Variants in SMARCAD1 observed in about 807,000 individuals in gnomAD.
SMARCAD1 encodes SNF2 related chromatin remodeling ATPase with DExD box 1, also known as SWI/SNF-related matrix-associated actin-dependent regulator of chromatin subfamily A containing DEAD/H box 1.
SMARCAD1 carries 25 observed loss-of-function variants against 127.1 expected under a neutral mutation model. That is an observed-to-expected ratio of 0.20 (90% confidence interval 0.14 to 0.27). SMARCAD1 has a LOEUF of 0.27. Ranked by LOEUF, SMARCAD1 falls within the 10% of genes least tolerant of loss-of-function variation. SMARCAD1 has a pLI of 1.00. For synonymous variants in SMARCAD1, 400 were observed against 396.9 expected (o/e 1.01, Z -0.09); for missense variants, 807 against 1,206.0 (o/e 0.67, Z 4.90).
rs554598388 is a variant in SMARCAD1 at position 94,258,480 on chromosome 4, C to G, written c.1281+5473C>G. 2.6e-4 allele frequency among the ~76,000 whole-genome samples: 40 copies of G among 152,210 alleles called. 1 individual carries two copies. In the South Asian group the frequency reaches 6.0e-3, roughly 23 times the overall value. The stretch of plus-strand genomic sequence containing the variant: ...CTCTGGTAATCTGTCAGTTTCATCT[C>G]TTTTAGAAAATCAGGAATCTTATCA... On this transcript the variant is annotated intron_variant, in intron 9 of 23. Coordinates refer to ENST00000354268, the MANE Select transcript of SMARCAD1 (RefSeq NM_020159.5).
rs532486595 is a variant in SMARCAD1 at position 94,280,021 on chromosome 4, C to T, written c.2419-571C>T. On this transcript the variant is annotated intron_variant, in intron 19 of 23. Coordinates refer to ENST00000354268, the MANE Select transcript of SMARCAD1 (RefSeq NM_020159.5). Reference sequence around the variant, plus strand: ...CTGGGATTACAGGCACCTACCACTACGCCCAGCTAATTTTTGTATTTTTAG... The same window carrying T: ...CTGGGATTACAGGCACCTACCACTATGCCCAGCTAATTTTTGTATTTTTAG... 4.6e-5 allele frequency among the ~76,000 whole-genome samples: 7 copies of T among 152,060 alleles called. No homozygotes were observed. The South Asian group carries it at 6.2e-4, about 14-fold the overall frequency.
chr4:94,223,679 C>T (rs989605540), intron 2 of SMARCAD1, among the ~76,000 whole-genome samples: 2 of 150,992 alleles, frequency 1.3e-5, no homozygotes, highest in African/African-American at 4.9e-5. Flanking sequence ...GGTGAGTCTC[C>T]TGCCTCACCT....
At chr4:94,282,134 CTG>C (rs1754168668) in intron 21 of SMARCAD1, among the ~76,000 whole-genome samples, 1 of 55,668 alleles carries the variant, frequency 1.8e-5, no homozygotes, top group East Asian at 8.1e-4. Context: ...GAGTCTCGCT[CTG>C]TCGCCCAGGC....
In SMARCAD1 at chr4:94,291,186, T is replaced by A. The variant is rs1387378835; in HGVS notation, c.*1652T>A. ...AGGCTGTTTCTTTTTTTGTTGTTAT[T>A]GTTGTTGTTGTTATATCCATACTTT... On this transcript the variant is annotated 3_prime_UTR_variant, in exon 24 of 24. Transcript: ENST00000354268. 2.2e-6 allele frequency: 1 copy of A among 453,082 alleles called. No homozygotes were observed. Among genetic ancestry groups the A allele is most frequent in the Admixed American group, 2.4e-5 (1 of 42,484 alleles). The allele number at this position is 453,082 out of a possible 1,614,324, so 28.1% of individuals were successfully genotyped here.
Position 94,290,513 on chromosome 4 carries a change from G to T in SMARCAD1, c.*979G>T, listed in dbSNP as rs1215096792. 2.2e-6 allele frequency: 1 copy of T among 454,460 alleles called. No individual in the cohort carries two copies. Among genetic ancestry groups the T allele is most frequent in the South Asian group, 1.6e-5 (1 of 64,468 alleles). The allele number at this position is 454,460 out of a possible 1,614,324, so 28.2% of individuals were successfully genotyped here. ...TAAAGGCAGCATTAGGTACTGCATG[G>T]AAATAGGTCATTAACTTGAAACTCT... On this transcript the variant is annotated 3_prime_UTR_variant, in exon 24 of 24. Transcript: ENST00000354268.
At chr4:94,279,601 T>C (rs1323464335) in intron 19 of SMARCAD1, among the ~76,000 whole-genome samples, 1 of 152,208 alleles carries the variant, frequency 6.6e-6, no homozygotes. Context: ...GTTTTTGTTT[T>C]CTGGGACTGC....
intron 2 of SMARCAD1, among the ~76,000 whole-genome samples, chr4:94,224,591 AT>A (rs147809831): frequency 0.14 from 21,903 of 152,138 alleles, 1,801 homozygotes; most frequent in Non-Finnish European, 0.19. Context: ...ATTTTAGAAC[AT>A]TTTTTATTTT....
chr4:94,225,907 C>G (rs1184695930), intron 2 of SMARCAD1, among the ~76,000 whole-genome samples: 1 of 152,112 alleles, frequency 6.6e-6, no homozygotes, highest in Non-Finnish European at 1.5e-5. Context: ...GCAGTTTCCA[C>G]TAAAGTCTTG....
chr4:94,234,404 C>T (rs577893263), intron 4 of SMARCAD1, among the ~76,000 whole-genome samples: 2 of 152,222 alleles, frequency 1.3e-5, no homozygotes, highest in South Asian at 2.1e-4. Flanking sequence ...TGCATAACCT[C>T]CCCATTTCCA....
chr4:94,280,773 A>G lies in SMARCAD1; in HGVS notation c.2600A>G (p.Lys867Arg), dbSNP rs756693746. ...TTAGGATGCATCTTGTCTGAATTGAAACAGAAGGTATTAAAAAAGAATGGC... is the reference window on the plus strand; with the variant it reads ...TTAGGATGCATCTTGTCTGAATTGAGACAGAAGGTATTAAAAAAGAATGGC... ...RVLGCILSEL[K>R]QKGDRVVLFS... Residue 867 changes from lysine (K) to arginine (R), a missense_variant, in exon 20 of 24, where the codon AAA becomes AGA. By Grantham distance (26) the Lys-to-Arg change is conservative. Transcript: ENST00000354268. The G allele has an allele frequency of 1.4e-5, 23 of 1,613,400 alleles. No individual in the cohort carries two copies. In the South Asian group the frequency reaches 2.5e-4, roughly 18 times the overall value.
chr4:94,229,252 G>T (rs190097971), intron 3 of SMARCAD1, among the ~76,000 whole-genome samples: 2 of 151,932 alleles, frequency 1.3e-5, no homozygotes, highest in Admixed American at 1.3e-4. Flanking sequence ...GATTTTTGTC[G>T]GATTAATTTA....
Position 94,280,702 on chromosome 4 carries a change from T to A in SMARCAD1, c.2529T>A (p.Phe843Leu). ...AACAGTACCGACACATTAATAACTT[T>A]CAGTTAGACATGGACTTGATTTTAG... is the stretch of plus-strand genomic sequence containing the variant. ...LCKQYRHINN[F>L]QLDMDLILDS... is the part of the protein sequence containing the mutation. Residue 843 changes from phenylalanine (F) to leucine (L), a missense_variant, in exon 20 of 24, where the codon TTT becomes TTA. Transcript: ENST00000354268. The A allele has an allele frequency of 6.2e-7, 1 of 1,613,816 alleles. No homozygotes were observed. Among genetic ancestry groups the A allele is most frequent in the Non-Finnish European group, 8.5e-7 (1 of 1,179,850 alleles).
At chr4:94,266,235 C>T (rs1382406306) in intron 10 of SMARCAD1, among the ~76,000 whole-genome samples, 1 of 152,090 alleles carries the variant, frequency 6.6e-6, no homozygotes, top group Non-Finnish European at 1.5e-5. Context: ...ACAAGACTTA[C>T]CCAGTTGAGT....
At chr4:94,281,349 CAG>C (rs756290163) in intron 20 of SMARCAD1, 121 bp from the exon 21 acceptor site, 41 of 765,038 alleles carry the variant, frequency 5.4e-5, no homozygotes, top group Non-Finnish European at 9.4e-5. Context: ...CAGTTTATCA[CAG>C]AGAATTTTCT....
chr4:94,249,877 C>A lies in SMARCAD1; in HGVS notation c.807+122C>A, dbSNP rs534490510. On this transcript the variant is annotated intron_variant, in intron 7 of 23. Transcript: ENST00000354268. ...TTTTGTATTCTTCTAATTAAATGTT[C>A]TCCTTTTATCAATGTTATAAAGTAT... 3.6e-5 allele frequency: 24 copies of A among 662,206 alleles called. No homozygotes were observed. In the African/African-American group the frequency reaches 4.4e-4, roughly 12 times the overall value. 41.0% of individuals were successfully genotyped at this position (662,206 alleles called of 1,614,324 possible).
In SMARCAD1 at chr4:94,280,690, C is replaced by G; in HGVS notation, c.2517C>G (p.His839Gln). ...ELHVLCKQYRHINNFQLDMDL... is the reference protein window; with the variant it reads ...ELHVLCKQYRQINNFQLDMDL... ...ATGTACTTTGTAAACAGTACCGACACATTAATAACTTTCAGTTAGACATGG... is the reference window on the plus strand; with the variant it reads ...ATGTACTTTGTAAACAGTACCGACAGATTAATAACTTTCAGTTAGACATGG... The change falls in exon 20 of 24, where the codon CAC becomes CAG. Residue 839 changes from histidine (H) to glutamine (Q), a missense_variant. By Grantham distance (24) the His-to-Gln change is conservative. Transcript: ENST00000354268. 6.2e-7 allele frequency: 1 copy of G among 1,613,630 alleles called. No individual in the cohort carries two copies. The highest frequency in any genetic ancestry group is 8.5e-7 in the Non-Finnish European group (1 of 1,179,742).
intron 5 of SMARCAD1, among the ~76,000 whole-genome samples, chr4:94,237,738 T>A (rs900398106): frequency 3.3e-5 from 5 of 152,126 alleles, no homozygotes; most frequent in Non-Finnish European, 5.9e-5. Flanking sequence ...TAGCTTCACA[T>A]TCCTCTGTGA....
In SMARCAD1 at chr4:94,255,224, C is replaced by G. The variant is rs534585474; in HGVS notation, c.1281+2217C>G. Among the ~76,000 whole-genome samples, 183 of 152,114 alleles carry G rather than the reference C, an allele frequency of 1.2e-3. 2 individuals carry two copies. The South Asian group carries it at 0.018, about 15-fold the overall frequency. ...ACAACCTGCTAACAAATAGTCTGCT[C>G]TTTCTTGAAATCATTGTTTAATCTT... On this transcript the variant is annotated intron_variant, in intron 9 of 23. Transcript: ENST00000354268.
Position 94,252,659 on chromosome 4 carries a change from A to G in SMARCAD1, c.933A>G (p.Glu311=), listed in dbSNP as rs61750822. 11,441 of 1,575,152 alleles carry G rather than the reference A, an allele frequency of 7.3e-3. 71 individuals carry two copies. The highest frequency in any genetic ancestry group is 9.2e-3 in the Non-Finnish European group (10,687 of 1,164,152). ...VSQSEVPNGK[E]VSSRSQNYPK... is the part of the protein sequence containing the mutation. ...AAAGTGAGGTTCCAAATGGAAAAGA[A>G]GTTTCTTCAAGAAGTCAAAATTACC... is the stretch of plus-strand genomic sequence containing the variant. Residue 311 remains glutamate (E), a synonymous_variant, in exon 9 of 24, where the codon GAA becomes GAG. Transcript: ENST00000354268.
Sources: gnomAD v4.1 joint callset for allele counts (sites outside exome capture counted in the v4.1 genomes callset) on GRCh38, gnomAD v4.1.1 for gene constraint, MANE v1.5 for transcripts, NCBI Gene and HGNC (gene_info 2026-07-23, HGNC 2026-07-21) for gene names.